Variants in ANXA4 observed in about 807,000 individuals in gnomAD.
ANXA4 encodes the protein annexin A4, also known as 35-beta calcimedin.
A neutral mutation model predicts 49.8 loss-of-function variants in ANXA4; 39 were observed. That is an observed-to-expected ratio of 0.78 (90% CI 0.61 to 1.02). ANXA4 has a LOEUF of 1.02. Among genes scored for constraint, ANXA4 ranks in the 50% least tolerant of loss-of-function variants. ANXA4 has a pLI of 0.00. For missense variants in ANXA4, 360 were observed against 410.1 expected, an observed-to-expected ratio of 0.88 and a Z score of 1.05; for synonymous variants, 134 against 152.5, an observed-to-expected ratio of 0.88 and a Z score of 0.89.
chr2:69,786,793 C>T (rs1262129264), intron 2 of ANXA4, among the ~76,000 whole-genome samples: 1 of 151,984 alleles, frequency 6.6e-6, no homozygotes, highest in Non-Finnish European at 1.5e-5. Context: ...ATGATCTCGG[C>T]TCACTGCAGT....
rs184914915 is a variant in ANXA4 at position 69,763,748 on chromosome 2, C to T, written c.-46-17772C>T. On this transcript the variant is annotated intron_variant, in intron 1 of 12. Coordinates refer to ENST00000394295, the MANE Select transcript of ANXA4 (RefSeq NM_001153.5). ...CGTGATCTCGTCTCACTGCAACCTC[C>T]GCCTCCTGGGTTCAAGCAATTCTCC... Among the ~76,000 whole-genome samples the T allele has an allele frequency of 2.7e-3, 406 of 151,442 alleles. 1 individual carries two copies. The highest frequency in any genetic ancestry group is 6.4e-3 in the African/African-American group (263 of 41,234).
intron 2 of ANXA4, among the ~76,000 whole-genome samples, chr2:69,680,388 C>T (rs1199848623): frequency 6.6e-6 from 1 of 152,084 alleles, no homozygotes; most frequent in Non-Finnish European, 1.5e-5. Flanking sequence ...TTTATCAGTT[C>T]TAAAAGTTTT....
chr2:69,774,340 C>CTTTT (rs869296678), intron 1 of ANXA4, among the ~76,000 whole-genome samples: 3,744 of 50,962 alleles, frequency 0.073, 421 homozygotes, highest in Admixed American at 0.26. Context: ...CCCCCCCCCC[C>CTTTT]TTTTTTTTTT....
intron 2 of ANXA4, among the ~76,000 whole-genome samples, chr2:69,717,517 T>C (rs1363977615): frequency 6.6e-6 from 1 of 152,238 alleles, no homozygotes. Context: ...AATATTATTT[T>C]GTGAGTTCAA....
chr2:69,691,996 C>T (rs572274472), intron 2 of ANXA4, among the ~76,000 whole-genome samples: 59 of 152,300 alleles, frequency 3.9e-4, no homozygotes, highest in African/African-American at 1.4e-3. Flanking sequence ...AACGATTCTC[C>T]CGCCTCAGCC....
At chr2:69,682,980 G>A (rs1011335983) in intron 2 of ANXA4, among the ~76,000 whole-genome samples, 7 of 152,002 alleles carry the variant, frequency 4.6e-5, no homozygotes, top group Non-Finnish European at 5.9e-5. Context: ...AAATATCCAC[G>A]TTATTGTTTA....
At chr2:69,812,852 C>T in intron 8 of ANXA4, 143 bp downstream of exon 8, 1 of 709,866 alleles carries the variant, frequency 1.4e-6, no homozygotes, top group African/African-American at 1.8e-5. Context: ...CACAGATAGC[C>T]TTTAATAACA....
chr2:69,676,796 G>A (rs1677428285), intron 2 of ANXA4, among the ~76,000 whole-genome samples: 1 of 152,144 alleles, frequency 6.6e-6, no homozygotes, highest in African/African-American at 2.4e-5. Flanking sequence ...GGGAGGCTGA[G>A]GCAGGAGAAT....
intron 1 of ANXA4, among the ~76,000 whole-genome samples, chr2:69,760,765 A>T (rs1045902710): frequency 1.3e-5 from 2 of 152,226 alleles, no homozygotes; most frequent in African/African-American, 4.8e-5. Flanking sequence ...CCATTCATGT[A>T]AAGTGTTCAG....
intron 3 of ANXA4, among the ~76,000 whole-genome samples, chr2:69,722,990 A>G (rs980526797): frequency 1.3e-5 from 2 of 148,528 alleles, no homozygotes; most frequent in Non-Finnish European, 3.0e-5. Context: ...GGCTAACATG[A>G]TGAAACTCCA....
At chr2:69,816,256 C>T (rs1252013169) in intron 9 of ANXA4, 62 bp downstream of exon 9, 1 of 1,389,456 alleles carries the variant, frequency 7.2e-7, no homozygotes, top group African/African-American at 1.4e-5. Flanking sequence ...CTATATTGCC[C>T]ATAAGTAGTT....
chr2:69,792,894 C>T (rs1324593583), intron 3 of ANXA4, among the ~76,000 whole-genome samples: 2 of 151,230 alleles, frequency 1.3e-5, no homozygotes, highest in Non-Finnish European at 3.0e-5. Context: ...TGGTTGCTTC[C>T]GTATGTTCCC....
In ANXA4 at chr2:69,819,341, A is replaced by G. The variant is rs758816049; in HGVS notation, c.783+3A>G. ...AAAAGCTCTATAAATCGATGAAGGT[A>G]AATGGCCTTATTTTCAGCATCTAAA... On this transcript the variant is annotated splice_donor_region_variant and intron_variant, in intron 11 of 12. Coordinates refer to ENST00000394295, the MANE Select transcript of ANXA4 (RefSeq NM_001153.5). 2.1e-5 allele frequency: 33 copies of G among 1,602,600 alleles called. No individual in the cohort carries two copies. Among genetic ancestry groups the G allele is most frequent in the Non-Finnish European group, 2.6e-5 (31 of 1,172,160 alleles).
intron 2 of ANXA4, among the ~76,000 whole-genome samples, chr2:69,701,099 TC>T (rs1678316411): frequency 6.6e-6 from 1 of 152,176 alleles, no homozygotes; most frequent in South Asian, 2.1e-4. Context: ...GGTCTCGAAC[TC>T]CTGACCTCAA....
chr2:69,670,408 C>T (rs1233567056), intron 2 of ANXA4, among the ~76,000 whole-genome samples: 1 of 148,062 alleles, frequency 6.8e-6, no homozygotes, highest in Non-Finnish European at 1.5e-5. Flanking sequence ...CCACTGCACT[C>T]CAGCCTGGCG....
At chr2:69,673,802 C>T (rs547906957) in intron 2 of ANXA4, among the ~76,000 whole-genome samples, 85 of 152,296 alleles carry the variant, frequency 5.6e-4, no homozygotes, top group Non-Finnish European at 1.1e-3. Context: ...CCCTCTCTCA[C>T]TCAGTGGCCC....
chr2:69,813,140 ATGG>A (rs1171848367), intron 8 of ANXA4, among the ~76,000 whole-genome samples: 2 of 152,318 alleles, frequency 1.3e-5, no homozygotes, highest in East Asian at 3.9e-4. Context: ...CAGCCCAGTG[ATGG>A]TTGTCCTGGA....
intron 1 of ANXA4, among the ~76,000 whole-genome samples, chr2:69,770,986 C>T (rs1225408806): frequency 6.8e-6 from 1 of 148,088 alleles, no homozygotes; most frequent in Non-Finnish European, 1.5e-5. Context: ...TCCAGCTACT[C>T]GGGAGGCTGA....
At chr2:69,676,605 C>T (rs1180111127) in intron 2 of ANXA4, among the ~76,000 whole-genome samples, 1 of 152,134 alleles carries the variant, frequency 6.6e-6, no homozygotes, top group Non-Finnish European at 1.5e-5. Context: ...AAATTAAAAA[C>T]CATCTCTGGC....
Sources: allele counts gnomAD v4.1 joint callset (sites outside exome capture counted in the v4.1 genomes callset), GRCh38; gene constraint gnomAD v4.1.1; transcripts MANE v1.5; gene names NCBI Gene and HGNC (gene_info 2026-07-23, HGNC 2026-07-21).